The following AUTS2 variants were observed in gnomAD, a reference collection of about 807,000 sequenced individuals.
The protein encoded by AUTS2 is autism susceptibility gene 2 protein.
AUTS2 carries 17 observed loss-of-function variants against 112.4 expected under a neutral mutation model. The ratio of observed to expected loss-of-function variants is 0.15; its 90% CI spans 0.10 to 0.23. The LOEUF is 0.23. Among genes scored for constraint, AUTS2 ranks in the 10% least tolerant of loss-of-function variants. The pLI, the probability that AUTS2 is intolerant of heterozygous loss-of-function variation, is 1.00. For synonymous variants in AUTS2, 751 were observed against 702.7 expected (o/e 1.07, Z -1.09); for missense variants, 1,510 against 1,701.6 (o/e 0.89, Z 1.98).
intron 2 of AUTS2, among the ~76,000 whole-genome samples, chr7:70,104,541 T>G (rs1166636345): frequency 6.6e-6 from 1 of 152,240 alleles, no homozygotes; most frequent in African/African-American, 2.4e-5. Flanking sequence ...ATACTGGTAG[T>G]TAAAATGTTT....
intron 1 of AUTS2, among the ~76,000 whole-genome samples, chr7:69,705,317 C>T (rs1468489863): frequency 6.6e-6 from 1 of 152,204 alleles, no homozygotes. Context: ...AGTACTACTA[C>T]TACCTAGTGC....
intron 1 of AUTS2, among the ~76,000 whole-genome samples, chr7:69,842,398 C>G (rs1238063385): frequency 3.3e-5 from 5 of 152,162 alleles, no homozygotes; most frequent in Admixed American, 2.6e-4. Context: ...GACGCTTTTA[C>G]TGTTCATAAC....
At chr7:70,512,465 G>A (rs1328788199) in intron 5 of AUTS2, among the ~76,000 whole-genome samples, 1 of 152,160 alleles carries the variant, frequency 6.6e-6, no homozygotes, top group Non-Finnish European at 1.5e-5. Context: ...AACGCTTCAA[G>A]TGGCCCTTCT....
chr7:70,129,719 A>G lies in AUTS2; in HGVS notation c.625-4817A>G, dbSNP rs968606098. ...AAGAATGAAATCAGAGGTAGAAGCC[A>G]GAAGGCTGAGATGAGAGTTGGTGAC... On this transcript the variant is annotated intron_variant, in intron 3 of 18. Coordinates refer to ENST00000342771, the MANE Select transcript of AUTS2 (RefSeq NM_015570.4). 5.9e-5 allele frequency among the ~76,000 whole-genome samples: 9 copies of G among 152,194 alleles called. 1 individual carries two copies. The highest frequency in any genetic ancestry group is 5.9e-4 in the Admixed American group (9 of 15,266).
intron 2 of AUTS2, among the ~76,000 whole-genome samples, chr7:70,071,443 TCA>T (rs555509715): frequency 1.7e-4 from 26 of 152,350 alleles, no homozygotes; most frequent in East Asian, 1.2e-3. Flanking sequence ...TCTTGATTGT[TCA>T]CAGTGTTGAC....
chr7:70,296,836 A>G (rs1030936659), intron 4 of AUTS2, among the ~76,000 whole-genome samples: 3 of 145,514 alleles, frequency 2.1e-5, no homozygotes, highest in Non-Finnish European at 3.0e-5. Flanking sequence ...TTCCCTGGGT[A>G]TACATTTTTT....
intron 4 of AUTS2, among the ~76,000 whole-genome samples, chr7:70,136,723 G>A (rs1052159207): frequency 6.6e-6 from 1 of 152,188 alleles, no homozygotes; most frequent in African/African-American, 2.4e-5. Flanking sequence ...TGTGGATGGA[G>A]GGAAATCACC....
Position 70,530,487 on chromosome 7 carries a change from G to A in AUTS2, c.690+94706G>A, listed in dbSNP as rs190641699. Among the ~76,000 whole-genome samples, 279 of 152,188 alleles carry A rather than the reference G, an allele frequency of 1.8e-3. 2 individuals carry two copies. The highest frequency in any genetic ancestry group is 2.7e-3 in the Non-Finnish European group (184 of 68,012). The stretch of plus-strand genomic sequence containing the variant: ...TAGCATTTTTAATCAGCTTCTGTGC[G>A]GCACAGATAGAAACCTTATGCTCAA... On this transcript the variant is annotated intron_variant, in intron 5 of 18. Transcript: ENST00000342771.
At chr7:69,767,392 G>T (rs1006461799) in intron 1 of AUTS2, among the ~76,000 whole-genome samples, 5 of 152,040 alleles carry the variant, frequency 3.3e-5, no homozygotes, top group African/African-American at 1.2e-4. Context: ...GCCCAGGCTG[G>T]ACTCAAACTA....
intron 5 of AUTS2, among the ~76,000 whole-genome samples, chr7:70,606,934 C>A (rs10486867): frequency 0.49 from 73,391 of 151,114 alleles, 18,252 homozygotes; most frequent in African/African-American, 0.6. Flanking sequence ...ACACATTGAA[C>A]ACTTTATTGT....
chr7:69,677,601 A>C (rs531517439), intron 1 of AUTS2, among the ~76,000 whole-genome samples: 2 of 152,198 alleles, frequency 1.3e-5, no homozygotes, highest in Non-Finnish European at 2.9e-5. Context: ...TAATGCTTAC[A>C]TGATGATCTA....
At chr7:69,766,270 T>C (rs1220620683) in intron 1 of AUTS2, among the ~76,000 whole-genome samples, 1 of 152,252 alleles carries the variant, frequency 6.6e-6, no homozygotes, top group Non-Finnish European at 1.5e-5. Flanking sequence ...TTGTAGTATG[T>C]ATGTATCAGT....
intron 2 of AUTS2, among the ~76,000 whole-genome samples, chr7:69,926,256 GTC>G (rs1222745760): frequency 1.6e-4 from 24 of 152,172 alleles, no homozygotes; most frequent in African/African-American, 5.6e-4. Context: ...GTATATTGAT[GTC>G]TCTGGCTATA....
At chr7:70,088,305 T>G (rs995196849) in intron 2 of AUTS2, among the ~76,000 whole-genome samples, 39 of 151,782 alleles carry the variant, frequency 2.6e-4, no homozygotes, top group African/African-American at 7.5e-4. Flanking sequence ...GTTTTTGTAT[T>G]TTTAGTAGAG....
intron 4 of AUTS2, chr7:70,291,785 G>A (rs1304500358): frequency 6.6e-6 from 1 of 152,086 alleles, no homozygotes; most frequent in African/African-American, 2.4e-5. Flanking sequence ...ATGATCAAAT[G>A]GACTAGTAAG....
intron 1 of AUTS2, among the ~76,000 whole-genome samples, chr7:69,635,247 G>A (rs1263396591): frequency 6.6e-6 from 1 of 152,080 alleles, no homozygotes; most frequent in Non-Finnish European, 1.5e-5. Flanking sequence ...GGCTATACAG[G>A]TTTTCATCTC....
intron 4 of AUTS2, among the ~76,000 whole-genome samples, chr7:70,223,520 A>G (rs908680568): frequency 6.6e-6 from 1 of 152,200 alleles, no homozygotes; most frequent in Non-Finnish European, 1.5e-5. Context: ...CAGTTGTATA[A>G]AAGTACAGCA....
intron 1 of AUTS2, among the ~76,000 whole-genome samples, chr7:69,788,234 C>G (rs2129322425): frequency 6.6e-6 from 1 of 152,164 alleles, no homozygotes; most frequent in East Asian, 1.9e-4. Flanking sequence ...CTGGCTGACT[C>G]CCAGGATTGT....
chr7:69,993,085 G>A (rs963693631), intron 2 of AUTS2, among the ~76,000 whole-genome samples: 3 of 152,304 alleles, frequency 2.0e-5, no homozygotes, highest in Non-Finnish European at 4.4e-5. Context: ...TCAGCGGTCT[G>A]TCTCCATCTC....
Sources: gnomAD v4.1 joint callset for allele counts (sites outside exome capture counted in the v4.1 genomes callset) on GRCh38, gnomAD v4.1.1 for gene constraint, MANE v1.5 for transcripts, NCBI Gene and HGNC (gene_info 2026-07-23, HGNC 2026-07-21) for gene names.